TPM3: variants seen among roughly 807,000 people sequenced by gnomAD.
TPM3 encodes tropomyosin alpha-3 chain.
TPM3 carries 16 observed loss-of-function variants against 43.1 expected under a neutral mutation model. That is an observed-to-expected ratio of 0.37 (90% CI 0.25 to 0.56). The LOEUF (loss-of-function observed/expected upper bound fraction) is 0.56. TPM3 is among the 20% of genes least tolerant of loss of function. The probability of loss-of-function intolerance (pLI) is 0.77; values close to 1 mark genes in which losing one functional copy is unlikely to be tolerated. For missense variants in TPM3, 176 were observed against 337.2 expected (o/e 0.52, Z 3.74); for synonymous variants, 101 against 116.9 (o/e 0.86, Z 0.88).
At chr1:154,174,228 G>A (rs2148246902) in intron 3 of TPM3, among the ~76,000 whole-genome samples, 1 of 149,750 alleles carries the variant, frequency 6.7e-6, no homozygotes, top group East Asian at 2.0e-4. Flanking sequence ...AGCTACTTGA[G>A]GGAAGCTGAA....
At position 154,167,549 on chromosome 1, in the gene TPM3, T is replaced by C. The variant is rs1661113901; in HGVS notation, c.*388A>G. ...AATTACTATCCTGAGTAACCTGTACTAAATCCATCACTCTGGTAGAATCAG... is the reference window on the plus strand; with the variant it reads ...AATTACTATCCTGAGTAACCTGTACCAAATCCATCACTCTGGTAGAATCAG... On this transcript the variant is annotated 3_prime_UTR_variant, in exon 10 of 10. Coordinates refer to ENST00000651641, the MANE Select transcript of TPM3 (RefSeq NM_152263.4). 6.1e-6 allele frequency: 7 copies of C among 1,149,582 alleles called. No individual in the cohort carries two copies. Among genetic ancestry groups the C allele is most frequent in the Non-Finnish European group, 7.5e-6 (7 of 928,744 alleles). The allele number at this position is 1,149,582 out of a possible 1,614,324, so 71.2% of individuals were successfully genotyped here. A position where few individuals can be genotyped will look rare whatever the true frequency, so the allele number is the denominator to read the frequency against.
intron 5 of TPM3, 186 bp downstream of exon 5, chr1:154,172,722 T>A: frequency 1.4e-6 from 1 of 725,740 alleles, no homozygotes; most frequent in Admixed American, 2.3e-5. Context: ...TTGTCACTTG[T>A]CACTAGTCAG....
At chr1:154,171,205 G>C in intron 6 of TPM3, 1 of 644,230 alleles carries the variant, frequency 1.6e-6, no homozygotes, top group Non-Finnish European at 2.7e-6. Flanking sequence ...CATGACTCCA[G>C]TAACCTGAGA....
downstream of TPM3, chr1:154,156,095 G>T (rs60282844): frequency 0.16 from 27,027 of 173,082 alleles, 2,658 homozygotes; most frequent in East Asian, 0.39. Flanking sequence ...ACCCGGGCAT[G>T]GTGGCAGGTG....
intron 3 of TPM3, among the ~76,000 whole-genome samples, chr1:154,174,081 C>T (rs758898294): frequency 6.6e-6 from 1 of 151,724 alleles, no homozygotes; most frequent in Non-Finnish European, 1.5e-5. Context: ...GCCTGTAATC[C>T]CAGCACTTTG....
chr1:154,168,535 T>A (rs1478338351), intron 9 of TPM3, among the ~76,000 whole-genome samples: 1 of 152,194 alleles, frequency 6.6e-6, no homozygotes, highest in African/African-American at 2.4e-5. Flanking sequence ...CCAGAGCTTT[T>A]TTTTCTTAGA....
intron 2 of TPM3, among the ~76,000 whole-genome samples, chr1:154,181,851 G>A (rs1398323575): frequency 6.6e-6 from 1 of 152,152 alleles, no homozygotes; most frequent in African/African-American, 2.4e-5. Context: ...AACCCGGGAG[G>A]CGGAGGTTGC....
chr1:154,173,980 C>A (rs1256093936), intron 3 of TPM3, among the ~76,000 whole-genome samples: 1 of 150,646 alleles, frequency 6.6e-6, no homozygotes, highest in Admixed American at 6.6e-5. Context: ...ACACCGTCTC[C>A]TCCACCACCC....
At chr1:154,176,449 C>T (rs1287976001) in intron 2 of TPM3, among the ~76,000 whole-genome samples, 1 of 151,982 alleles carries the variant, frequency 6.6e-6, no homozygotes, top group Non-Finnish European at 1.5e-5. Flanking sequence ...CAACGAACTC[C>T]CATATGTTCC....
chr1:154,171,271 C>T (rs1661540572), intron 6 of TPM3, 142 bp downstream of exon 6: 3 of 871,170 alleles, frequency 3.4e-6, no homozygotes, highest in Non-Finnish European at 5.7e-6. Context: ...GCATTAAACC[C>T]AGAACCTGAA....
At chr1:154,169,432 A>C (rs4845364) in intron 8 of TPM3, 49 bp from the exon 9 acceptor site, 1 of 1,587,212 alleles carries the variant, frequency 6.3e-7, no homozygotes, top group Non-Finnish European at 8.7e-7. Flanking sequence ...CAGAGTGAAG[A>C]GTTTCAGAAG....
Position 154,167,341 on chromosome 1 carries a change from G to A in TPM3, c.*596C>T. On this transcript the variant is annotated 3_prime_UTR_variant, in exon 10 of 10. Transcript: ENST00000651641. Reference sequence around the variant, plus strand: ...TGGGTTCACTGGGTGTTCTGAGGATGCACCATTTGAACCACCGGTAAAAGG... The same window carrying A: ...TGGGTTCACTGGGTGTTCTGAGGATACACCATTTGAACCACCGGTAAAAGG... 9.5e-7 allele frequency: 1 copy of A among 1,057,058 alleles called. No individual in the cohort carries two copies. Among genetic ancestry groups the A allele is most frequent in the Non-Finnish European group, 1.1e-6 (1 of 874,248 alleles). 65.5% of individuals were successfully genotyped at this position (1,057,058 alleles called of 1,614,324 possible).
chr1:154,167,846 T>C lies in TPM3; in HGVS notation c.*91A>G, dbSNP rs1571386946. Reference sequence around the variant, plus strand: ...CTAATGCCTTGGGGACCAGCCAGGCTGACCCAAATGGAATCCAGAGCGAGA... The same window carrying C: ...CTAATGCCTTGGGGACCAGCCAGGCCGACCCAAATGGAATCCAGAGCGAGA... On this transcript the variant is annotated 3_prime_UTR_variant, in exon 10 of 10. Transcript: ENST00000651641. 1 of 1,613,246 alleles carries C rather than the reference T, an allele frequency of 6.2e-7. No individual in the cohort carries two copies. The highest frequency in any genetic ancestry group is 2.2e-5 in the East Asian group (1 of 44,848).
downstream of TPM3, chr1:154,159,152 A>T (rs1415296565): frequency 8.4e-6 from 6 of 716,564 alleles, no homozygotes; most frequent in Non-Finnish European, 1.5e-5. Flanking sequence ...GTAAATTATG[A>T]GTCTTTCAAC....
intron 5 of TPM3, chr1:154,171,881 A>C: frequency 1.1e-6 from 1 of 880,030 alleles, no homozygotes; most frequent in Admixed American, 1.7e-5. Flanking sequence ...AAAGATGCCA[A>C]GTAAGTGGAA....
At chr1:154,172,028 C>T in intron 5 of TPM3, 1 of 1,613,920 alleles carries the variant, frequency 6.2e-7, no homozygotes, top group Non-Finnish European at 8.5e-7. Context: ...ATGGTTAGTA[C>T]CTTTTCTTCA....
intron 2 of TPM3, chr1:154,187,173 G>A (rs1173296200): frequency 3.2e-6 from 1 of 315,756 alleles, no homozygotes; most frequent in Non-Finnish European, 4.6e-6. Flanking sequence ...TTGACCCTTT[G>A]AGGCAGGGGT....
At chr1:154,191,042 A>G in intron 2 of TPM3, 144 bp downstream of exon 2, 2 of 1,298,138 alleles carry the variant, frequency 1.5e-6, no homozygotes, top group South Asian at 1.2e-5. Context: ...AGAATATACC[A>G]GCATGTGGTT....
chr1:154,188,804 C>T (rs551522569), intron 2 of TPM3, among the ~76,000 whole-genome samples: 2 of 151,188 alleles, frequency 1.3e-5, no homozygotes, highest in Admixed American at 1.3e-4. Context: ...TCCTTGGCCA[C>T]TGAAAGTGGT....
Sources: allele counts gnomAD v4.1 joint callset (sites outside exome capture counted in the v4.1 genomes callset), GRCh38; gene constraint gnomAD v4.1.1; transcripts MANE v1.5; gene names NCBI Gene and HGNC (gene_info 2026-07-23, HGNC 2026-07-21).